PXDNL: variants seen among roughly 807,000 people sequenced by gnomAD.
The protein encoded by PXDNL is peroxidasin like.
In PXDNL, 145 loss-of-function variants were observed where a neutral mutation model predicts 150.8. The observed-to-expected ratio is 0.96, with a 90% CI of 0.84 to 1.10. The LOEUF is 1.10. PXDNL is among the 50% of genes least tolerant of loss of function. The pLI is 0.00. For synonymous variants in PXDNL, 757 were observed against 725.7 expected, an observed-to-expected ratio of 1.04 and a Z score of -0.69; for missense variants, 2,087 against 1,873.9, an observed-to-expected ratio of 1.11 and a Z score of -2.10.
intron 1 of PXDNL, among the ~76,000 whole-genome samples, chr8:51,680,559 G>A (rs1815721699): frequency 6.6e-6 from 1 of 152,138 alleles, no homozygotes; most frequent in Admixed American, 6.5e-5. Context: ...GTATTATTCA[G>A]TGAAACTAAG....
chr8:51,678,239 G>A (rs1815667968), intron 1 of PXDNL, among the ~76,000 whole-genome samples: 1 of 152,090 alleles, frequency 6.6e-6, no homozygotes, highest in South Asian at 2.1e-4. Flanking sequence ...TTACATTCTT[G>A]GGTACCTTAG....
intron 19 of PXDNL, among the ~76,000 whole-genome samples, chr8:51,366,135 T>C (rs1456882518): frequency 6.6e-6 from 1 of 152,218 alleles, no homozygotes; most frequent in African/African-American, 2.4e-5. Context: ...AGAGGGAAAT[T>C]GCTAAATTAA....
At chr8:51,430,559 C>T (rs758336145) in intron 12 of PXDNL, among the ~76,000 whole-genome samples, 9 of 152,180 alleles carry the variant, frequency 5.9e-5, no homozygotes, top group Non-Finnish European at 1.0e-4. Flanking sequence ...TGATTGGGAA[C>T]ATGGGTGGAA....
intron 1 of PXDNL, among the ~76,000 whole-genome samples, chr8:51,733,122 T>G (rs1302183315): frequency 6.6e-6 from 1 of 152,264 alleles, no homozygotes; most frequent in Non-Finnish European, 1.5e-5. Context: ...AGTAGTTATC[T>G]GTGGATGAGC....
chr8:51,757,218 A>C (rs2130988406), intron 1 of PXDNL, among the ~76,000 whole-genome samples: 1 of 152,316 alleles, frequency 6.6e-6, no homozygotes, highest in South Asian at 2.1e-4. Context: ...CTTTGAACTT[A>C]AAATAAGGGT....
At chr8:51,462,415 A>G (rs1299187212) in intron 8 of PXDNL, among the ~76,000 whole-genome samples, 1 of 152,224 alleles carries the variant, frequency 6.6e-6, no homozygotes, top group African/African-American at 2.4e-5. Context: ...GAATGACTCA[A>G]TAGTTGAAAG....
chr8:51,391,640 C>T (rs1459188501), intron 17 of PXDNL, among the ~76,000 whole-genome samples: 1 of 151,938 alleles, frequency 6.6e-6, no homozygotes, highest in Non-Finnish European at 1.5e-5. Context: ...GGATATTGGC[C>T]CTCTGTCAGA....
At position 51,544,682 on chromosome 8, in the gene PXDNL, C is replaced by T. The variant is rs118145844; in HGVS notation, c.380+12158G>A. On this transcript the variant is annotated intron_variant, in intron 4 of 22. Transcript: ENST00000356297. Reference sequence around the variant, plus strand: ...AATATCCCTTCCTCACCCCCCACAACCTACTTTTTAGGGTCAAAGGCTATG... The same window carrying T: ...AATATCCCTTCCTCACCCCCCACAATCTACTTTTTAGGGTCAAAGGCTATG... Among the ~76,000 whole-genome samples the T allele has an allele frequency of 8.4e-3, 1,276 of 152,294 alleles. 4 individuals carry two copies. The highest frequency in any genetic ancestry group is 0.013 in the Non-Finnish European group (868 of 68,018).
intron 1 of PXDNL, among the ~76,000 whole-genome samples, chr8:51,808,920 C>T (rs576086765): frequency 1.7e-4 from 26 of 152,244 alleles, no homozygotes; most frequent in South Asian, 8.3e-4. Flanking sequence ...AGAATGAAGA[C>T]GAGAATTCTC....
chr8:51,758,414 A>G (rs922368351), intron 1 of PXDNL, among the ~76,000 whole-genome samples: 3 of 152,238 alleles, frequency 2.0e-5, no homozygotes, highest in African/African-American at 4.8e-5. Flanking sequence ...CACTACATGG[A>G]AAAAATACTT....
At chr8:51,378,943 C>T (rs1439811779) in intron 17 of PXDNL, among the ~76,000 whole-genome samples, 1 of 152,170 alleles carries the variant, frequency 6.6e-6, no homozygotes, top group Non-Finnish European at 1.5e-5. Flanking sequence ...TTCTTGAAGT[C>T]AGTGAGACCA....
chr8:51,508,208 A>G (rs1811332500), intron 4 of PXDNL, among the ~76,000 whole-genome samples: 3 of 152,212 alleles, frequency 2.0e-5, no homozygotes, highest in Non-Finnish European at 4.4e-5. Context: ...CTAACTCACA[A>G]TCGTCTCTTG....
At chr8:51,406,514 C>T (rs1808439339) in intron 17 of PXDNL, among the ~76,000 whole-genome samples, 1 of 152,166 alleles carries the variant, frequency 6.6e-6, no homozygotes, top group African/African-American at 2.4e-5. Flanking sequence ...GCATGGCACA[C>T]AGCCTCTTTA....
At chr8:51,362,640 G>T (rs2976999) in intron 19 of PXDNL, among the ~76,000 whole-genome samples, 122,446 of 152,172 alleles carry the variant, frequency 0.8, 49,548 homozygotes, top group East Asian at 0.94. Flanking sequence ...GCTCTGTGCT[G>T]TTGAAATACA....
intron 20 of PXDNL, 93 bp from the exon 21 acceptor site, chr8:51,339,846 G>T (rs536175602): frequency 8.2e-7 from 1 of 1,224,544 alleles, no homozygotes. Context: ...CATTTGGCAT[G>T]TACAAGGCAT....
chr8:51,552,559 T>C (rs1812515188), intron 4 of PXDNL, among the ~76,000 whole-genome samples: 2 of 152,212 alleles, frequency 1.3e-5, no homozygotes, highest in Admixed American at 1.3e-4. Context: ...GAGACCATTA[T>C]TCTAAGTGCA....
At chr8:51,374,811 A>C in intron 17 of PXDNL, 80 bp from the exon 18 acceptor site, 7 of 1,478,914 alleles carry the variant, frequency 4.7e-6, no homozygotes, top group Non-Finnish European at 6.4e-6. Flanking sequence ...ATGACCACCA[A>C]GCATTATTTT....
intron 19 of PXDNL, among the ~76,000 whole-genome samples, chr8:51,360,207 A>C (rs907716576): frequency 2.0e-5 from 3 of 152,192 alleles, no homozygotes; most frequent in Non-Finnish European, 2.9e-5. Flanking sequence ...GTACACATAT[A>C]AACATACCCA....
At chr8:51,496,111 C>T (rs1811041810) in intron 5 of PXDNL, among the ~76,000 whole-genome samples, 2 of 152,168 alleles carry the variant, frequency 1.3e-5, no homozygotes, top group South Asian at 4.1e-4. Flanking sequence ...CCCTGGGATG[C>T]AAGGCTGGTT....
Sources: allele counts gnomAD v4.1 joint callset (sites outside exome capture counted in the v4.1 genomes callset), GRCh38; gene constraint gnomAD v4.1.1; transcripts MANE v1.5; gene names NCBI Gene and HGNC (gene_info 2026-07-23, HGNC 2026-07-21).